Variants in TSPAN5 observed in about 807,000 individuals in gnomAD.
TSPAN5 encodes the protein tetraspanin 5, also known as tetraspanin-5.
Under a neutral mutation model 37.1 loss-of-function variants are expected in TSPAN5, and 10 were observed. The ratio of observed to expected loss-of-function variants is 0.27; its 90% CI spans 0.17 to 0.46. The LOEUF (loss-of-function observed/expected upper bound fraction) is 0.46, where lower values mean the gene tolerates loss of function less well. Ranked by LOEUF, TSPAN5 falls within the 20% of genes least tolerant of loss-of-function variation. The pLI is 1.00. For synonymous variants in TSPAN5, 110 were observed against 118.9 expected, an observed-to-expected ratio of 0.93 and a Z score of 0.48; for missense variants, 195 against 326.6, an observed-to-expected ratio of 0.60 and a Z score of 3.11.
intron 2 of TSPAN5, among the ~76,000 whole-genome samples, chr4:98,500,555 G>A (rs1390896064): frequency 2.0e-5 from 3 of 152,238 alleles, no homozygotes; most frequent in Non-Finnish European, 4.4e-5. Context: ...CTGGGAGGGA[G>A]AGGGCCAGAC....
At chr4:98,533,420 G>T (rs1423390897) in intron 1 of TSPAN5, among the ~76,000 whole-genome samples, 3 of 151,734 alleles carry the variant, frequency 2.0e-5, no homozygotes, top group Admixed American at 6.6e-5. Context: ...CTTGTGGGGG[G>T]TGTTATGTGT....
chr4:98,546,238 A>G (rs1754466584), intron 1 of TSPAN5, among the ~76,000 whole-genome samples: 1 of 152,206 alleles, frequency 6.6e-6, no homozygotes, highest in South Asian at 2.1e-4. Flanking sequence ...CTCTTAAATC[A>G]CTATGCTCTA....
chr4:98,610,226 G>C (rs1283446663), intron 1 of TSPAN5, among the ~76,000 whole-genome samples: 1 of 152,192 alleles, frequency 6.6e-6, no homozygotes, highest in Non-Finnish European at 1.5e-5. Flanking sequence ...GAATGCAAAA[G>C]ATGAGGGGCA....
chr4:98,601,287 C>T (rs575140291), intron 1 of TSPAN5, among the ~76,000 whole-genome samples: 1 of 152,228 alleles, frequency 6.6e-6, no homozygotes, highest in Non-Finnish European at 1.5e-5. Context: ...AAGCCAGGCA[C>T]TGACTTCTCC....
At chr4:98,583,871 C>T (rs1755425624) in intron 1 of TSPAN5, among the ~76,000 whole-genome samples, 1 of 152,140 alleles carries the variant, frequency 6.6e-6, no homozygotes, top group South Asian at 2.1e-4. Context: ...TTCCCCACTC[C>T]CTCTTCCCAT....
At chr4:98,588,562 C>T (rs1755551541) in intron 1 of TSPAN5, among the ~76,000 whole-genome samples, 1 of 152,006 alleles carries the variant, frequency 6.6e-6, no homozygotes, top group South Asian at 2.1e-4. Context: ...CATATTATTT[C>T]CACTCATTAT....
At chr4:98,657,729 G>T (rs1357120621) in intron 1 of TSPAN5, 3 of 254,948 alleles carry the variant, frequency 1.2e-5, no homozygotes, top group Non-Finnish European at 2.3e-5. Context: ...ATCGTTGTTA[G>T]AAGGTGGACC....
chr4:98,634,063 G>A (rs1756803281), intron 1 of TSPAN5, among the ~76,000 whole-genome samples: 1 of 150,276 alleles, frequency 6.7e-6, no homozygotes, highest in Non-Finnish European at 1.5e-5. Flanking sequence ...TGGGCAACAA[G>A]AGCGAAACTC....
At chr4:98,548,894 T>C (rs994117065) in intron 1 of TSPAN5, among the ~76,000 whole-genome samples, 2 of 149,998 alleles carry the variant, frequency 1.3e-5, no homozygotes, top group Non-Finnish European at 1.5e-5. Flanking sequence ...AAGGTGTGTG[T>C]GTGTGTGTGT....
chr4:98,524,571 T>C (rs1011602613), intron 1 of TSPAN5, among the ~76,000 whole-genome samples: 6 of 152,148 alleles, frequency 3.9e-5, no homozygotes, highest in Admixed American at 3.9e-4. Flanking sequence ...CATGTGAGCA[T>C]GACTTTGTCA....
intron 1 of TSPAN5, among the ~76,000 whole-genome samples, chr4:98,581,066 G>A (rs1755359983): frequency 6.6e-6 from 1 of 152,124 alleles, no homozygotes; most frequent in Admixed American, 6.5e-5. Flanking sequence ...AAAAATTAAC[G>A]GGAACAATCT....
At chr4:98,587,200 T>C (rs927312938) in intron 1 of TSPAN5, among the ~76,000 whole-genome samples, 22 of 152,182 alleles carry the variant, frequency 1.4e-4, no homozygotes, top group Admixed American at 1.3e-4. Context: ...CAAAAGCAGA[T>C]AGATGCTCTG....
chr4:98,583,643 G>C (rs948038611), intron 1 of TSPAN5, among the ~76,000 whole-genome samples: 6 of 152,226 alleles, frequency 3.9e-5, no homozygotes, highest in African/African-American at 9.7e-5. Context: ...GGTAAGCTCA[G>C]ACAACAGAAA....
chr4:98,553,769 A>G (rs762242135), intron 1 of TSPAN5, among the ~76,000 whole-genome samples: 2 of 152,170 alleles, frequency 1.3e-5, no homozygotes, highest in Non-Finnish European at 1.5e-5. Context: ...AACCTCCCAA[A>G]GAAAATGTCA....
At chr4:98,553,824 T>A (rs1030368000) in intron 1 of TSPAN5, among the ~76,000 whole-genome samples, 2 of 152,088 alleles carry the variant, frequency 1.3e-5, no homozygotes, top group African/African-American at 4.8e-5. Flanking sequence ...CCTAGCACTT[T>A]AGGAGGCTGA....
At chr4:98,501,501 T>C (rs1753347779) in intron 2 of TSPAN5, among the ~76,000 whole-genome samples, 1 of 152,106 alleles carries the variant, frequency 6.6e-6, no homozygotes, top group African/African-American at 2.4e-5. Context: ...AGCGTCTAAG[T>C]GATGAGTCGC....
chr4:98,590,477 G>A (rs992204837), intron 1 of TSPAN5, among the ~76,000 whole-genome samples: 1 of 152,134 alleles, frequency 6.6e-6, no homozygotes, highest in African/African-American at 2.4e-5. Flanking sequence ...TTGGGAGGCC[G>A]AGGTGGGCAG....
At chr4:98,559,549 G>A (rs571740955) in intron 1 of TSPAN5, among the ~76,000 whole-genome samples, 3 of 152,040 alleles carry the variant, frequency 2.0e-5, no homozygotes, top group Admixed American at 6.5e-5. Flanking sequence ...CTATTTTAAG[G>A]CAACTTTTTT....
At chr4:98,495,859 G>C (rs1051587725) in intron 2 of TSPAN5, among the ~76,000 whole-genome samples, 5 of 151,830 alleles carry the variant, frequency 3.3e-5, no homozygotes, top group Admixed American at 1.3e-4. Flanking sequence ...TACAAAAATA[G>C]CATTAATAAA....
Sources: gnomAD v4.1 joint callset for allele counts (sites outside exome capture counted in the v4.1 genomes callset) on GRCh38, gnomAD v4.1.1 for gene constraint, MANE v1.5 for transcripts, NCBI Gene and HGNC (gene_info 2026-07-23, HGNC 2026-07-21) for gene names.